The following PFKL variants were observed in gnomAD, a reference collection of about 807,000 sequenced individuals.
PFKL encodes phosphofructokinase, liver type.
In PFKL, 74 loss-of-function variants were observed where a neutral mutation model predicts 92.1. That is an observed-to-expected ratio of 0.80 (90% CI 0.67 to 0.97). The LOEUF (loss-of-function observed/expected upper bound fraction) is 0.97. Ranked by LOEUF, PFKL falls within the 50% of genes least tolerant of loss-of-function variation. The pLI is 0.00. For missense variants in PFKL, 1,028 were observed against 1,116.6 expected (o/e 0.92, Z 1.13); for synonymous variants, 494 against 456.4 (o/e 1.08, Z -1.05).
At chr21:44,302,600 C>T (rs1177688547) in intron 1 of PFKL, among the ~76,000 whole-genome samples, 3 of 152,206 alleles carry the variant, frequency 2.0e-5, no homozygotes, top group African/African-American at 7.2e-5. Context: ...TCTCTTTGCC[C>T]TCTATGTCAG....
chr21:44,317,876 G>C (rs2047250811), intron 9 of PFKL, among the ~76,000 whole-genome samples: 1 of 152,258 alleles, frequency 6.6e-6, no homozygotes, highest in South Asian at 2.1e-4. Flanking sequence ...GGAACACGGA[G>C]GGCTGTCTGT....
chr21:44,311,189 AACACACACATGCAGAC>A (rs2047032291), intron 3 of PFKL, 106 bp downstream of exon 3: 2 of 785,412 alleles, frequency 2.5e-6, no homozygotes, highest in African/African-American at 3.7e-5. Flanking sequence ...CACGTGCACA[AACACACACATGCAGAC>A]ACACAGACAT....
chr21:44,305,444 C>G, intron 1 of PFKL: 1 of 1,317,898 alleles, frequency 7.6e-7, no homozygotes, highest in Non-Finnish European at 1.0e-6. Context: ...TCTGCAAGTA[C>G]AGGGGGGTGG....
At chr21:44,316,780 C>T (rs2047220123) in intron 9 of PFKL, among the ~76,000 whole-genome samples, 1 of 151,920 alleles carries the variant, frequency 6.6e-6, no homozygotes. Flanking sequence ...TGTGGGTGTT[C>T]CCTCAAGCTG....
At chr21:44,302,503 G>A (rs979238156) in intron 1 of PFKL, among the ~76,000 whole-genome samples, 4 of 152,192 alleles carry the variant, frequency 2.6e-5, no homozygotes, top group African/African-American at 9.7e-5. Flanking sequence ...CCCCATGGTG[G>A]GTGCTCTGTT....
chr21:44,306,623 G>GGGT, intron 1 of PFKL, 58 bp from the exon 2 acceptor site: 1 of 1,485,296 alleles, frequency 6.7e-7, no homozygotes, highest in Non-Finnish European at 9.3e-7. Flanking sequence ...AGATGGGGAG[G>GGGT]GTGTCCAGGG....
At chr21:44,325,378 C>T (rs1746161086) in intron 19 of PFKL, 114 bp downstream of exon 19, 1 of 704,216 alleles carries the variant, frequency 1.4e-6, no homozygotes, top group African/African-American at 1.8e-5. Context: ...CCGGCAGGCC[C>T]TCGGGCACGT....
At chr21:44,301,865 GCC>G (rs970898114) in intron 1 of PFKL, among the ~76,000 whole-genome samples, 1 of 151,670 alleles carries the variant, frequency 6.6e-6, no homozygotes, top group African/African-American at 2.4e-5. Flanking sequence ...GGTGGCACGT[GCC>G]CCCCCCACCC....
At chr21:44,322,044 ACTGG>A in intron 13 of PFKL, 85 bp from the exon 14 acceptor site, 1 of 1,490,104 alleles carries the variant, frequency 6.7e-7, no homozygotes, top group Non-Finnish European at 9.1e-7. Context: ...GATGCCCAAC[ACTGG>A]CTGGCCCCCG....
intron 4 of PFKL, among the ~76,000 whole-genome samples, chr21:44,312,540 C>T (rs562352104): frequency 9.8e-5 from 15 of 152,288 alleles, no homozygotes; most frequent in East Asian, 9.7e-4. Flanking sequence ...TGGTGGAGGC[C>T]GGTGTTGCTC....
intron 11 of PFKL, 38 bp from the exon 12 acceptor site, chr21:44,320,046 T>C (rs2047318614): frequency 6.3e-7 from 1 of 1,593,006 alleles, no homozygotes; most frequent in Non-Finnish European, 8.6e-7. Context: ...GCCGTGGCGC[T>C]GCAGGGCTGT....
intron 5 of PFKL, 65 bp from the exon 6 acceptor site, chr21:44,313,573 C>T: frequency 2.0e-6 from 3 of 1,521,052 alleles, no homozygotes; most frequent in Non-Finnish European, 1.8e-6. Flanking sequence ...GAGCACCCCG[C>T]AGGGAATCGG....
chr21:44,326,293 G>A (rs776601793), intron 21 of PFKL, 29 bp downstream of exon 21: 24 of 1,526,756 alleles, frequency 1.6e-5, no homozygotes, highest in African/African-American at 6.9e-5. Flanking sequence ...TCGTGGAGGC[G>A]GGTGGGGCTG....
At chr21:44,325,303 C>G in intron 19 of PFKL, 39 bp downstream of exon 19, 1 of 1,342,790 alleles carries the variant, frequency 7.4e-7, no homozygotes, top group Non-Finnish European at 1.1e-6. Flanking sequence ...GCCTGCCCCT[C>G]TTTCCTGCCA....
chr21:44,305,290 G>C lies in PFKL; in HGVS notation c.86-1391G>C, dbSNP rs776482759. ...CCTCACCTCACACCTGCTCCCTGCT[G>C]CTGAGCCCCACGCCAAGCTGGAGAG... On this transcript the variant is annotated intron_variant, in intron 1 of 21. Coordinates refer to ENST00000349048, the MANE Select transcript of PFKL (RefSeq NM_002626.6). 2.3e-5 allele frequency: 31 copies of C among 1,359,510 alleles called. 3 individuals carry two copies. The South Asian group carries it at 3.2e-4, about 14-fold the overall frequency. 84.2% of individuals were successfully genotyped at this position (1,359,510 alleles called of 1,614,324 possible).
At chr21:44,324,434 C>T (rs564420991) in intron 16 of PFKL, 57 bp from the exon 17 acceptor site, 92 of 1,577,848 alleles carry the variant, frequency 5.8e-5, no homozygotes, top group South Asian at 5.1e-4. Flanking sequence ...GCCATGCCGA[C>T]GGCCTACAGG....
In PFKL at chr21:44,313,685, G is replaced by A. The variant is rs751517932; in HGVS notation, c.638+3G>A. 3 of 1,611,326 alleles carry A rather than the reference G, an allele frequency of 1.9e-6. No homozygotes were observed. Among genetic ancestry groups the A allele is most frequent in the Non-Finnish European group, 8.5e-7 (1 of 1,179,218 alleles). The stretch of plus-strand genomic sequence containing the variant: ...GAAGTGATGGGCCGGCACTGCGGGT[G>A]AGGAGGGGCTTCCTGGCCCGCTGGG... On this transcript the variant is annotated splice_donor_region_variant and intron_variant, in intron 6 of 21. Coordinates refer to ENST00000349048, the MANE Select transcript of PFKL (RefSeq NM_002626.6).
At chr21:44,320,181 A>T in intron 12 of PFKL, 34 bp downstream of exon 12, 1 of 1,588,852 alleles carries the variant, frequency 6.3e-7, no homozygotes, top group Non-Finnish European at 8.6e-7. Flanking sequence ...AGAGGGAGGA[A>T]CGGGCTCAGT....
At chr21:44,325,883 G>C in intron 19 of PFKL, 78 bp from the exon 20 acceptor site, 1 of 1,041,998 alleles carries the variant, frequency 9.6e-7, no homozygotes, top group Non-Finnish European at 1.4e-6. Flanking sequence ...TCCCCGTGGG[G>C]ATCCTGTCTG....
Sources: gnomAD v4.1 joint callset for allele counts (sites outside exome capture counted in the v4.1 genomes callset) on GRCh38, gnomAD v4.1.1 for gene constraint, MANE v1.5 for transcripts, NCBI Gene and HGNC (gene_info 2026-07-23, HGNC 2026-07-21) for gene names.